Variants in CSAD observed in about 807,000 individuals in gnomAD.
The protein encoded by CSAD is cysteine sulfinic acid decarboxylase.
In CSAD, 47 loss-of-function variants were observed where a neutral mutation model predicts 61.5. The ratio of observed to expected loss-of-function variants is 0.76; its 90% CI spans 0.60 to 0.97. The LOEUF is 0.97. CSAD is among the 50% of genes least tolerant of loss of function. CSAD has a pLI of 0.00. For synonymous variants in CSAD, 245 were observed against 252.7 expected (o/e 0.97, Z 0.29); for missense variants, 611 against 643.6 (o/e 0.95, Z 0.55).
Position 53,158,565 on chromosome 12 carries a change from A to G in CSAD, c.1428T>C (p.Cys476=). 1.9e-6 allele frequency: 3 copies of G among 1,613,408 alleles called. No individual in the cohort carries two copies. The highest frequency in any genetic ancestry group is 2.5e-6 in the Non-Finnish European group (3 of 1,180,028). ...CGTTGAGGAGGAAGTCCATATCAGC[A>G]CAGGTCAGTGCAGAGTTGGCCACAA... is the stretch of plus-strand genomic sequence containing the variant. ...RVVVANSALT[C]ADMDFLLNEL... Residue 476 remains cysteine, a synonymous_variant, in exon 17 of 17, where the codon TGT becomes TGC. Coordinates refer to ENST00000444623, the MANE Select transcript of CSAD (RefSeq NM_001244705.2).
At chr12:53,179,794 C>G in intron 1 of CSAD, 1 of 1,613,320 alleles carries the variant, frequency 6.2e-7, no homozygotes, top group South Asian at 1.1e-5. Flanking sequence ...ATGAGGACTT[C>G]AGTGGAATTG....
chr12:53,159,929 C>T lies in CSAD; in HGVS notation c.1176G>A (p.Val392=), dbSNP rs1301319926. ...DQAFVLARYL[V]EEMKKREGFE... is the part of the protein sequence containing the mutation. ...ACCCTTCCCGCTTCTTCATTTCCTC[C>T]ACCAGGTACCTGTGAACAGAGAGTG... Residue 392 remains valine (V), a synonymous_variant, in exon 15 of 17, where the codon GTG becomes GTA. Transcript: ENST00000444623. 9 of 1,606,020 alleles carry T rather than the reference C, an allele frequency of 5.6e-6. 1 individual carries two copies. In the South Asian group the frequency reaches 1.0e-4, roughly 18 times the overall value.
chr12:53,180,858 C>G lies in CSAD; in HGVS notation c.-217G>C. On this transcript the variant is annotated 5_prime_UTR_variant, in exon 1 of 17. Coordinates refer to ENST00000444623, the MANE Select transcript of CSAD (RefSeq NM_001244705.2). ...GGCAGGTAGGAGCAAGCCCCAAAGA[C>G]CGCAGCGTCGTCCGTACAGACGGCA... The G allele has an allele frequency of 8.0e-7, 1 of 1,257,448 alleles. No homozygotes were observed. Among genetic ancestry groups the G allele is most frequent in the South Asian group, 1.3e-5 (1 of 77,494 alleles). The allele number at this position is 1,257,448 out of a possible 1,614,324, so 77.9% of individuals were successfully genotyped here. A position where few individuals can be genotyped will look rare whatever the true frequency, so the allele number is the denominator to read the frequency against.
chr12:53,159,680 T>C lies in CSAD; in HGVS notation c.1251A>G (p.Val417=), dbSNP rs200199545. ...CCTGCTTCCCTCGCAGGCTGGGGGG[T>C]ACGAACCAGAAACACACATTGACAA... ...PEFVNVCFWF[V]PPSLRGKQES... The change falls in exon 16 of 17, where the codon GTA becomes GTG. Residue 417 remains valine (V), a synonymous_variant. Transcript: ENST00000444623. The C allele has an allele frequency of 2.8e-5, 45 of 1,610,542 alleles. No homozygotes were observed. The African/African-American group carries it at 4.2e-4, about 15-fold the overall frequency.
At position 53,171,443 on chromosome 12, in the gene CSAD, T is replaced by C. The variant is rs1940565836; in HGVS notation, c.452-2A>G. On this transcript the variant is annotated splice_acceptor_variant, in intron 7 of 16. Coordinates refer to ENST00000444623, the MANE Select transcript of CSAD (RefSeq NM_001244705.2). LOFTEE classifies it high-confidence loss of function. ...CATACATGTTGGAGATGGAGCCACC[T>C]GTCACAGGGAGGGGGCGGTGGCAAG... 6.2e-7 allele frequency: 1 copy of C among 1,613,226 alleles called. No individual in the cohort carries two copies. Among genetic ancestry groups the C allele is most frequent in the African/African-American group, 1.3e-5 (1 of 74,906 alleles).
chr12:53,163,998 T>C (rs958677774), intron 10 of CSAD, among the ~76,000 whole-genome samples: 4 of 152,240 alleles, frequency 2.6e-5, no homozygotes, highest in Non-Finnish European at 4.4e-5. Flanking sequence ...AGACAATTTA[T>C]TAAAGAAAGA....
intron 1 of CSAD, 195 bp downstream of exon 1, chr12:53,180,537 T>A (rs770500003): frequency 7.8e-7 from 1 of 1,277,998 alleles, no homozygotes; most frequent in South Asian, 1.3e-5. Flanking sequence ...CCCTCCTCCA[T>A]GCCCTCGGCG....
chr12:53,176,687 C>G (rs976448529), intron 2 of CSAD, among the ~76,000 whole-genome samples: 1 of 151,800 alleles, frequency 6.6e-6, no homozygotes, highest in African/African-American at 2.4e-5. Flanking sequence ...CCACTGCACT[C>G]CAGCCTGGGT....
intron 10 of CSAD, 98 bp from the exon 11 acceptor site, chr12:53,161,487 A>G: frequency 2.1e-6 from 2 of 930,458 alleles, no homozygotes; most frequent in East Asian, 4.9e-5. Context: ...GCATGCCTAA[A>G]ATGGCCCATT....
At chr12:53,159,383 C>T (rs1938966943) in intron 16 of CSAD, among the ~76,000 whole-genome samples, 1 of 152,208 alleles carries the variant, frequency 6.6e-6, no homozygotes, top group Non-Finnish European at 1.5e-5. Context: ...CAGCACAAGG[C>T]TCTGTGTACT....
rs1454514273 is a variant in CSAD at position 53,171,948 on chromosome 12, C to G, written c.385G>C (p.Glu129Gln). 6.2e-7 allele frequency: 1 copy of G among 1,614,034 alleles called. No homozygotes were observed. The highest frequency in any genetic ancestry group is 8.5e-7 in the Non-Finnish European group (1 of 1,179,966). The change falls in exon 7 of 17, where the codon GAG (glutamate) becomes CAG (glutamine). Residue 129 changes from glutamate to glutamine, a missense_variant. By Grantham distance (29) the Glu-to-Gln change is conservative (BLOSUM62 2). Coordinates refer to ENST00000444623, the MANE Select transcript of CSAD (RefSeq NM_001244705.2). ...GCCCGCAGTTTCCTCAGCACCTCCT[C>G]TTCCATGAGCACAAACACGGGGGCG... ...EIAPVFVLME[E>Q]EVLRKLRALV...
chr12:53,169,978 G>C, intron 10 of CSAD, 94 bp downstream of exon 10: 1 of 1,089,972 alleles, frequency 9.2e-7, no homozygotes, highest in Non-Finnish European at 1.4e-6. Context: ...GCATGGAGAC[G>C]AGAGGGATGA....
intron 1 of CSAD, among the ~76,000 whole-genome samples, chr12:53,179,470 T>G (rs758201268): frequency 5.3e-5 from 8 of 152,238 alleles, no homozygotes; most frequent in Non-Finnish European, 1.0e-4. Context: ...TTTGTGTCTT[T>G]TATACTTTTG....
intron 10 of CSAD, among the ~76,000 whole-genome samples, chr12:53,168,842 A>G (rs992827625): frequency 6.6e-6 from 1 of 152,214 alleles, no homozygotes; most frequent in African/African-American, 2.4e-5. Context: ...ACATAGATAT[A>G]CCATAATTTA....
intron 1 of CSAD, chr12:53,179,962 G>A: frequency 6.5e-7 from 1 of 1,534,996 alleles, no homozygotes; most frequent in Non-Finnish European, 8.7e-7. Flanking sequence ...GTCTACTGTG[G>A]GAGTCAGGGT....
At chr12:53,165,971 A>G (rs1159659417) in intron 10 of CSAD, among the ~76,000 whole-genome samples, 1 of 152,248 alleles carries the variant, frequency 6.6e-6, no homozygotes, top group Admixed American at 6.5e-5. Context: ...AAAGGAAGAA[A>G]ATTCTCACAT....
chr12:53,181,021 G>T, upstream of CSAD: 2 of 839,182 alleles, frequency 2.4e-6, no homozygotes, highest in Non-Finnish European at 3.0e-6. Context: ...CCCTGCCCGC[G>T]CGTCCCGCCG....
chr12:53,180,974 G>A (rs1427654551), upstream of CSAD: 1 of 777,102 alleles, frequency 1.3e-6, no homozygotes, highest in Non-Finnish European at 1.6e-6. Context: ...GGGGATCTCC[G>A]GGGGAGGGAG....
chr12:53,178,076 A>C (rs12580404), intron 2 of CSAD, among the ~76,000 whole-genome samples: 8,936 of 152,320 alleles, frequency 0.059, 359 homozygotes, highest in East Asian at 0.17. Flanking sequence ...CATACACTAA[A>C]CATTGCCAAA....
Sources: allele counts gnomAD v4.1 joint callset (sites outside exome capture counted in the v4.1 genomes callset), GRCh38; gene constraint gnomAD v4.1.1; transcripts MANE v1.5; gene names NCBI Gene and HGNC (gene_info 2026-07-23, HGNC 2026-07-21).